KMT2D: variants seen among roughly 807,000 people sequenced by gnomAD.
KMT2D encodes the protein lysine methyltransferase 2D.
KMT2D carries 55 observed loss-of-function variants against 512.7 expected under a neutral mutation model. That is an observed-to-expected ratio of 0.11 (90% CI 0.09 to 0.13). The LOEUF (loss-of-function observed/expected upper bound fraction) is 0.13. KMT2D is among the 10% of genes least tolerant of loss of function. The pLI is 1.00. For synonymous variants in KMT2D, 2,995 were observed against 2,904.0 expected (o/e 1.03, Z -1.01); for missense variants, 6,061 against 7,127.9 (o/e 0.85, Z 5.39).
Position 49,042,978 on chromosome 12 carries a change from A to T in KMT2D, c.5644+98T>A. ...GGCCAGGAACAGTCCAGGACTCCCC[A>T]CCAGAGAAGCTGTACAGATCACAGT... On this transcript the variant is annotated intron_variant, in intron 26 of 54. Coordinates refer to ENST00000301067, the MANE Select transcript of KMT2D (RefSeq NM_003482.4). The surrounding 1 kb of genome is among the most constrained non-coding windows in gnomAD (Gnocchi z 4.4). 2 of 1,568,932 alleles carry T rather than the reference A, an allele frequency of 1.3e-6. No individual in the cohort carries two copies. The highest frequency in any genetic ancestry group is 1.8e-6 in the Non-Finnish European group (2 of 1,142,014).
rs587783724 is a variant in KMT2D, at chr12:49,041,130, C to T, written c.6640G>A (p.Ala2214Thr). 15 of 1,526,382 alleles carry T rather than the reference C, an allele frequency of 9.8e-6. No individual in the cohort carries two copies. Among genetic ancestry groups the T allele is most frequent in the Non-Finnish European group, 1.1e-5 (13 of 1,140,710 alleles). 94.6% of individuals were successfully genotyped at this position (1,526,382 alleles called of 1,614,324 possible). ...TGGCCAGCCCCAGGACGAGATGAGG[C>T]GCCCAGCATCGGGGGCTGCGCAGGG... ...GAPAQPPMLG[A>T]SSRPGAGQPG... is the part of the protein sequence containing the mutation. Residue 2214 changes from alanine to threonine, a missense_variant, in exon 32 of 55, where the codon GCC becomes ACC. This residue lies in a region of KMT2D where 710 missense variants were observed against 647.3 expected (regional missense o/e 1.10). Coordinates refer to ENST00000301067, the MANE Select transcript of KMT2D (RefSeq NM_003482.4). This position sits in a 1 kb window ranked among gnomAD's most constrained non-coding sequence, Gnocchi z 5.4.
rs2120549705 is a variant in KMT2D, at chr12:49,041,632, C to A, written c.6234+23G>T. 6.2e-7 allele frequency: 1 copy of A among 1,613,426 alleles called. No homozygotes were observed. Among genetic ancestry groups the A allele is most frequent in the Non-Finnish European group, 8.5e-7 (1 of 1,179,576 alleles). On this transcript the variant is annotated intron_variant, in intron 31 of 54. Coordinates refer to ENST00000301067, the MANE Select transcript of KMT2D (RefSeq NM_003482.4). This position sits in a 1 kb window ranked among gnomAD's most constrained non-coding sequence, Gnocchi z 5.4. ...GAGGCCACCCACTAGAGGACTGCTA[C>A]ACCCCAGCCCAGCCCCACTCACCTT...
Position 49,038,917 on chromosome 12 carries a change from T to TTGCTGC in KMT2D, c.8433_8438dup (p.Gln2815_Gln2816dup). ...GTTGTTGCTGCCACAGTTGTTGCTG[T>TTGCTGC]TGCTGCTGTAAGGGCAGGGACCCAG... is the stretch of plus-strand genomic sequence containing the variant. On this transcript the variant is annotated inframe_insertion, in exon 35 of 55. Coordinates refer to ENST00000301067, the MANE Select transcript of KMT2D (RefSeq NM_003482.4). The surrounding 1 kb of genome is among the most constrained non-coding windows in gnomAD (Gnocchi z 5.7). 6.4e-7 allele frequency: 1 copy of TTGCTGC among 1,551,704 alleles called. No individual in the cohort carries two copies.
chr12:49,043,967 G>A lies in KMT2D; in HGVS notation c.5220C>T (p.Ala1740=), dbSNP rs200369026. The A allele has an allele frequency of 3.7e-4, 596 of 1,614,000 alleles. 2 individuals are homozygous for A. The African/African-American group carries it at 6.7e-3, about 18-fold the overall frequency. The part of the protein sequence containing the change: ...VIPADLPAEG[A]VEQSLAEGDE... ...CCCCTTCAGCTAAGCTCTGCTCCAC[G>A]GCGCCCTCTGCAGGCAGGTCAGCAG... Residue 1740 remains alanine (A), a synonymous_variant, in exon 23 of 55, where the codon GCC becomes GCT. Coordinates refer to ENST00000301067, the MANE Select transcript of KMT2D (RefSeq NM_003482.4).
Position 49,051,498 on chromosome 12 carries a change from G to A in KMT2D, c.2185C>T (p.Pro729Ser). ...PLEESPLLPLPEEPQLCPRSE... is the reference protein window; with the variant it reads ...PLEESPLLPLSEEPQLCPRSE... ...CGGGGGCAGAGTTGCGGCTCCTCAG[G>A]TAGTGGCAACAGGGGTGACTCCTCC... Residue 729 changes from proline (P) to serine (S), a missense_variant, in exon 11 of 55, where the codon CCT becomes TCT. Physicochemically the swap from Pro to Ser is moderately conservative, Grantham distance 74. Transcript: ENST00000301067. 6.2e-7 allele frequency: 1 copy of A among 1,613,786 alleles called. No homozygotes were observed. The highest frequency in any genetic ancestry group is 8.5e-7 in the Non-Finnish European group (1 of 1,179,766).
In KMT2D at chr12:49,033,089, C is replaced by T. The variant is rs769754756; in HGVS notation, c.11616G>A (p.Gly3872=). The part of the protein sequence containing the change: ...QQHQQQGSMA[G]LSHLQQSLMS... ...TCAGACTCTGCTGAAGATGGGACAG[C>T]CCTGCCATGGACCCTTGCTGTTGGT... Residue 3872 remains glycine, a synonymous_variant, in exon 40 of 55, where the codon GGG becomes GGA. Coordinates refer to ENST00000301067, the MANE Select transcript of KMT2D (RefSeq NM_003482.4). The T allele has an allele frequency of 1.3e-6, 2 of 1,551,458 alleles. No individual in the cohort carries two copies. The highest frequency in any genetic ancestry group is 4.9e-5 in the East Asian group (2 of 40,922).
rs763549369 is a variant in KMT2D, at chr12:49,038,715, G to A, written c.8641C>T (p.Arg2881Trp). The part of the protein sequence containing the change: ...PAGPAQFIEL[R>W]HNVQKGLGPG... ...CCCAGTCCTTTCTGTACATTGTGCC[G>A]CAGCTCAATGAACTGGGCAGGACCA... The change falls in exon 35 of 55, where the codon CGG becomes TGG. Residue 2881 changes from arginine to tryptophan, a missense_variant. By Grantham distance (101) the Arg-to-Trp change is moderately radical (BLOSUM62 -3). Around this residue, in one of 16 missense-constraint regions of KMT2D, gnomAD observed 527 missense variants for 578.9 expected, o/e 0.91. Transcript: ENST00000301067. This position sits in a 1 kb window ranked among gnomAD's most constrained non-coding sequence, Gnocchi z 5.7. 1.5e-5 allele frequency: 24 copies of A among 1,609,152 alleles called. No individual in the cohort carries two copies. Among genetic ancestry groups the A allele is most frequent in the Non-Finnish European group, 2.0e-5 (23 of 1,178,044 alleles).
chr12:49,034,907 G>A lies in KMT2D; in HGVS notation c.10260C>T (p.Ile3420=), dbSNP rs2120461924. ...TCTTGGCCTTTGCAATGGGATCAAT[G>A]ATATCTTCTGCAGCAAATTTGTCCA... ...TDLDKFAAED[I]IDPIAKAKMV... The change falls in exon 36 of 55, where the codon ATC becomes ATT. Residue 3420 remains isoleucine, a synonymous_variant. Transcript: ENST00000301067. The A allele has an allele frequency of 6.2e-7, 1 of 1,613,982 alleles. No individual in the cohort carries two copies. Among genetic ancestry groups the A allele is most frequent in the Non-Finnish European group, 8.5e-7 (1 of 1,179,894 alleles).
At position 49,044,760 on chromosome 12, in the gene KMT2D, C is replaced by T. The variant is rs1230864058; in HGVS notation, c.4947G>A (p.Glu1649=). Residue 1649 remains glutamate (E), a synonymous_variant, in exon 20 of 55, where the codon GAG becomes GAA. Coordinates refer to ENST00000301067, the MANE Select transcript of KMT2D (RefSeq NM_003482.4). This position sits in a 1 kb window ranked among gnomAD's most constrained non-coding sequence, Gnocchi z 6.4. ...DKKDGDLDTD[E]LLKGEGGVEH... is the part of the protein sequence containing the mutation. ...CAAGCTAACCTTCACCCTTGAGCAG[C>T]TCATCGGTGTCCAGGTCCCCATCCT... 6.2e-7 allele frequency: 1 copy of T among 1,613,836 alleles called. No individual in the cohort carries two copies.
In KMT2D at chr12:49,037,206, T is replaced by C; in HGVS notation, c.10150A>G (p.Thr3384Ala). The C allele has an allele frequency of 6.2e-7, 1 of 1,610,672 alleles. No homozygotes were observed. Among genetic ancestry groups the C allele is most frequent in the Non-Finnish European group, 8.5e-7 (1 of 1,177,368 alleles). Residue 3384 changes from threonine to alanine, a missense_variant, in exon 35 of 55, where the codon ACC becomes GCC. By Grantham distance (58) the Thr-to-Ala change is moderately conservative (BLOSUM62 0). Coordinates refer to ENST00000301067, the MANE Select transcript of KMT2D (RefSeq NM_003482.4). ...TTCATGCACATGGAAGGTGGCATGGTGCCCATGGGCTTCTGTGATAGCACT... is the reference window on the plus strand; with the variant it reads ...TTCATGCACATGGAAGGTGGCATGGCGCCCATGGGCTTCTGTGATAGCACT... ...QPVLSQKPMG[T>A]MPPSMCMKPQ...
rs1943338552 is a variant in KMT2D, at chr12:49,038,612, C to T, written c.8744G>A (p.Arg2915Gln). Residue 2915 changes from arginine (R) to glutamine (Q), a missense_variant, in exon 35 of 55, where the codon CGA becomes CAA. By Grantham distance (43) the Arg-to-Gln change is conservative (BLOSUM62 1). Coordinates refer to ENST00000301067, the MANE Select transcript of KMT2D (RefSeq NM_003482.4). This position sits in a 1 kb window ranked among gnomAD's most constrained non-coding sequence, Gnocchi z 5.7. ...GCCCCGAAGCCCTTCAGGAGCCAGT[C>T]GGTGGGGGTCCTCACTTACAGGGTA... The part of the protein sequence containing the change: ...RFYPVSEDPH[R>Q]LAPEGLRGLA... The T allele has an allele frequency of 2.5e-6, 4 of 1,612,860 alleles. No individual in the cohort carries two copies. The highest frequency in any genetic ancestry group is 2.2e-5 in the East Asian group (1 of 44,868).
Position 49,039,198 on chromosome 12 carries a change from C to A in KMT2D, c.8366+24G>T. On this transcript the variant is annotated intron_variant, in intron 34 of 54. Transcript: ENST00000301067. The surrounding 1 kb of genome is among the most constrained non-coding windows in gnomAD (Gnocchi z 5.0). ...AAAATCCATCCCCCTTGGTTTACCC[C>A]CAGGGAACCTCCTGGAGCCTCACCG... The A allele has an allele frequency of 6.2e-6, 10 of 1,612,606 alleles. No individual in the cohort carries two copies. The highest frequency in any genetic ancestry group is 8.5e-6 in the Non-Finnish European group (10 of 1,179,404).
chr12:49,036,823 T>A (rs1943247327), intron 35 of KMT2D, among the ~76,000 whole-genome samples: 1 of 152,174 alleles, frequency 6.6e-6, no homozygotes, highest in Admixed American at 6.5e-5. Flanking sequence ...TTTGCACCAC[T>A]TCTCTTCAAG....
rs1943363059 is a variant in KMT2D, at chr12:49,039,081, C to T, written c.8367-92G>A. On this transcript the variant is annotated intron_variant, in intron 34 of 54. Transcript: ENST00000301067. The surrounding 1 kb of genome is among the most constrained non-coding windows in gnomAD (Gnocchi z 5.0). ...GCAGTGAGGAAGGATAGAATTAATG[C>T]AGTGAGGGAGAAAAGGAATGAGGAA... The T allele has an allele frequency of 3.3e-6, 5 of 1,511,388 alleles. No individual in the cohort carries two copies. The highest frequency in any genetic ancestry group is 4.6e-6 in the Non-Finnish European group (5 of 1,096,212). The allele number at this position is 1,511,388 out of a possible 1,614,324, so 93.6% of individuals were successfully genotyped here.
rs1943374168 is a variant in KMT2D, at chr12:49,039,315, C to A, written c.8273G>T (p.Gly2758Val). The A allele has an allele frequency of 6.2e-7, 1 of 1,613,586 alleles. No individual in the cohort carries two copies. Among genetic ancestry groups the A allele is most frequent in the African/African-American group, 1.3e-5 (1 of 74,930 alleles). Residue 2758 changes from glycine (G) to valine (V), a missense_variant, in exon 34 of 55, where the codon GGC (glycine) becomes GTC (valine). Physicochemically the swap from Gly to Val is moderately radical, Grantham distance 109 (BLOSUM62 -3). Transcript: ENST00000301067. The surrounding 1 kb of genome is among the most constrained non-coding windows in gnomAD (Gnocchi z 5.0). ...GAAGGACCCTGGCCCCAGGATGGGG[C>A]CACTCAGCTTGCTTGGGGGCAACCC... ...LVGLPPSKLS[G>V]PILGPGSFPS...
At position 49,042,659 on chromosome 12, in the gene KMT2D, A is replaced by G. The variant is rs1239596011; in HGVS notation, c.5783-14T>C. The G allele has an allele frequency of 6.2e-7, 1 of 1,611,436 alleles. No homozygotes were observed. Among genetic ancestry groups the G allele is most frequent in the Non-Finnish European group, 8.5e-7 (1 of 1,178,390 alleles). ...AAGGGAGTCCACCTACAAGACGGAC[A>G]GGATCAGAGAAAAGAGCAACTGGCC... On this transcript the variant is annotated splice_polypyrimidine_tract_variant and intron_variant, in intron 27 of 54. Transcript: ENST00000301067. This position sits in a 1 kb window ranked among gnomAD's most constrained non-coding sequence, Gnocchi z 4.4.
chr12:49,040,432 G>A lies in KMT2D; in HGVS notation c.7338C>T (p.Ser2446=), dbSNP rs2120528930. The change falls in exon 32 of 55, where the codon TCC becomes TCT. Residue 2446 remains serine (S), a synonymous_variant. Transcript: ENST00000301067. The part of the protein sequence containing the change: ...CPSPVTPRFQ[S]PDPYSRPPSR... ...AGGGTGGGCGAGAATAAGGGTCAGGGGACTGGAAGCGAGGGGTAACGGGTG... is the reference window on the plus strand; with the variant it reads ...AGGGTGGGCGAGAATAAGGGTCAGGAGACTGGAAGCGAGGGGTAACGGGTG... 1.3e-6 allele frequency: 2 copies of A among 1,561,440 alleles called. No individual in the cohort carries two copies. The highest frequency in any genetic ancestry group is 1.7e-6 in the Non-Finnish European group (2 of 1,152,912).
intron 19 of KMT2D, among the ~76,000 whole-genome samples, chr12:49,045,661 A>T (rs1565805596): frequency 6.6e-6 from 1 of 151,340 alleles, no homozygotes; most frequent in Non-Finnish European, 1.5e-5. Flanking sequence ...AAAAAAAAAA[A>T]GAGATCTGAA....
chr12:49,029,214 C>A lies in KMT2D; in HGVS notation c.14098G>T (p.Asp4700Tyr), dbSNP rs369583907. The A allele has an allele frequency of 6.2e-7, 1 of 1,613,600 alleles. No homozygotes were observed. Among genetic ancestry groups the A allele is most frequent in the Non-Finnish European group, 8.5e-7 (1 of 1,179,532 alleles). Residue 4700 changes from aspartate to tyrosine, a missense_variant, in exon 45 of 55, where the codon GAT becomes TAT. By Grantham distance (160) the Asp-to-Tyr change is radical. Transcript: ENST00000301067. ...GCTGGCACAATGCTGTCAGGAGAAT[C>A]GCTATCCTCATCACTCTCCATCCTG... ...DVRMESDEDS[D>Y]SPDSIVPASS...
Sources: allele counts gnomAD v4.1 joint callset (sites outside exome capture counted in the v4.1 genomes callset), GRCh38; gene constraint gnomAD v4.1.1; regional missense constraint gnomAD v4.1.1; non-coding constraint Gnocchi (gnomAD v3.1); transcripts MANE v1.5; gene names NCBI Gene and HGNC (gene_info 2026-07-23, HGNC 2026-07-21).